The following PPP2R5C variants were observed in gnomAD, a reference collection of about 807,000 sequenced individuals.
The protein encoded by PPP2R5C is protein phosphatase 2 regulatory subunit B'gamma, also known as serine/threonine-protein phosphatase 2A 56 kDa regulatory subunit gamma isoform.
PPP2R5C carries 7 observed loss-of-function variants against 68.9 expected under a neutral mutation model. The ratio of observed to expected loss-of-function variants is 0.10; its 90% CI spans 0.06 to 0.19. PPP2R5C has a LOEUF of 0.19. Ranked by LOEUF, PPP2R5C falls within the 10% of genes least tolerant of loss-of-function variation. PPP2R5C has a pLI of 1.00. For missense variants in PPP2R5C, 348 were observed against 641.3 expected (o/e 0.54, Z 4.94); for synonymous variants, 210 against 222.2 (o/e 0.95, Z 0.49).
chr14:101,875,502 T>C (rs570224250), intron 2 of PPP2R5C, among the ~76,000 whole-genome samples: 1 of 152,324 alleles, frequency 6.6e-6, no homozygotes, highest in East Asian at 1.9e-4. Context: ...TTGCAGTTAA[T>C]AAGGTGACTG....
At position 101,905,120 on chromosome 14, in the gene PPP2R5C, A is replaced by G. The variant is rs2141056067; in HGVS notation, c.1024-1282A>G. On this transcript the variant is annotated intron_variant, in intron 9 of 13. Coordinates refer to ENST00000334743, the Ensembl canonical transcript of PPP2R5C. ...TGTAGTCCCAGCACTTTGGGAGGCC[A>G]AGGCGGGTGGATCACCTGAGGTCAG... Among the ~76,000 whole-genome samples, 2 of 152,308 alleles carry G rather than the reference A, an allele frequency of 1.3e-5. 1 individual carries two copies. Among genetic ancestry groups the G allele is most frequent in the South Asian group, 4.1e-4 (2 of 4,826 alleles).
rs140175574 is a variant in PPP2R5C, at chr14:101,877,198, C to G, written c.295-4963C>G. On this transcript the variant is annotated intron_variant, in intron 2 of 13. Coordinates refer to ENST00000334743, the Ensembl canonical transcript of PPP2R5C. The surrounding 1 kb of genome is among the most constrained non-coding windows in gnomAD (Gnocchi z 4.2). The stretch of plus-strand genomic sequence containing the variant: ...TCTTGACCTCAAGTGATCCACCCGC[C>G]TCGGCCTCCCAAAGTGCTGGGATTA... Among the ~76,000 whole-genome samples the G allele has an allele frequency of 0.039, 5,865 of 152,200 alleles. 171 individuals are homozygous for G. The highest frequency in any genetic ancestry group is 0.056 in the Non-Finnish European group (3,781 of 68,002).
chr14:101,858,175 A>G (rs2042538598), intron 2 of PPP2R5C, among the ~76,000 whole-genome samples: 1 of 152,218 alleles, frequency 6.6e-6, no homozygotes, highest in African/African-American at 2.4e-5. Flanking sequence ...TTACCTGTTC[A>G]GACTAATGAC....
chr14:101,802,916 T>A, intron 3 of PPP2R5C, among the ~76,000 whole-genome samples: 1 of 130,660 alleles, frequency 7.7e-6, no homozygotes. Flanking sequence ...AAAATTACAG[T>A]GAGATACTTC....
chr14:101,908,986 G>A (rs1247708590), intron 10 of PPP2R5C, among the ~76,000 whole-genome samples: 1 of 152,144 alleles, frequency 6.6e-6, no homozygotes, highest in Non-Finnish European at 1.5e-5. Flanking sequence ...GCAGGCTTTC[G>A]CTGGTGTCTG....
chr14:101,924,356 A>T (rs1044599602), intron 13 of PPP2R5C, among the ~76,000 whole-genome samples: 2 of 149,736 alleles, frequency 1.3e-5, no homozygotes, highest in Non-Finnish European at 1.5e-5. Flanking sequence ...GAGAGTATAT[A>T]TTTTTTTCAA....
chr14:101,882,043 G>T lies in PPP2R5C; in HGVS notation c.295-118G>T. On this transcript the variant is annotated intron_variant, in intron 2 of 13. Coordinates refer to ENST00000334743, the Ensembl canonical transcript of PPP2R5C. The surrounding 1 kb of genome is among the most constrained non-coding windows in gnomAD (Gnocchi z 4.9). Reference sequence around the variant, plus strand: ...CACAGCTTCTGCGTTTTGAGGATACGGAGGAGCTAAGTTACCATGGGAAGC... The same window carrying T: ...CACAGCTTCTGCGTTTTGAGGATACTGAGGAGCTAAGTTACCATGGGAAGC... 1.3e-6 allele frequency: 1 copy of T among 762,684 alleles called. No homozygotes were observed. Among genetic ancestry groups the T allele is most frequent in the Non-Finnish European group, 2.0e-6 (1 of 495,856 alleles). 47.2% of individuals were successfully genotyped at this position (762,684 alleles called of 1,614,324 possible).
intron 2 of PPP2R5C, among the ~76,000 whole-genome samples, chr14:101,876,415 G>C: frequency 6.6e-6 from 1 of 150,604 alleles, no homozygotes; most frequent in East Asian, 1.9e-4. Context: ...GACTGTCAGC[G>C]GTTTTTTTTT....
chr14:101,912,274 G>A, intron 11 of PPP2R5C, 127 bp from the exon 14 acceptor site: 2 of 641,752 alleles, frequency 3.1e-6, no homozygotes, highest in Non-Finnish European at 5.0e-6. Flanking sequence ...GTAAGTGTGG[G>A]GAAATGGAGC....
At chr14:101,867,768 A>G (rs1023899970) in intron 2 of PPP2R5C, among the ~76,000 whole-genome samples, 4 of 152,108 alleles carry the variant, frequency 2.6e-5, no homozygotes, top group Non-Finnish European at 5.9e-5. Flanking sequence ...ACAGAGCAAG[A>G]TTCCATCAAA....
At chr14:101,832,150 A>G (rs1005390167) in intron 1 of PPP2R5C, among the ~76,000 whole-genome samples, 1 of 152,204 alleles carries the variant, frequency 6.6e-6, no homozygotes, top group Non-Finnish European at 1.5e-5. Context: ...TCAGGTAATC[A>G]TTGGAGATTT....
intron 6 of PPP2R5C, 96 bp downstream of exon 8, chr14:101,890,392 A>AGTTT: frequency 8.5e-7 from 1 of 1,174,300 alleles, no homozygotes; most frequent in South Asian, 1.4e-5. Context: ...AAAGCAAGGC[A>AGTTT]GTTTAAACCA....
chr14:101,761,624 C>CGG (rs1336409637), upstream of PPP2R5C, among the ~76,000 whole-genome samples: 9 of 5,410 alleles, frequency 1.7e-3, no homozygotes, highest in African/African-American at 2.9e-3. Context: ...GGCGGCCGGC[C>CGG]GGGGGGTGGG....
intron 2 of PPP2R5C, among the ~76,000 whole-genome samples, chr14:101,878,204 C>T (rs1389213855): frequency 6.6e-6 from 1 of 152,214 alleles, no homozygotes; most frequent in Non-Finnish European, 1.5e-5. Flanking sequence ...ACTTCATTCA[C>T]CCTTCATTAT....
intron 5 of PPP2R5C, 122 bp downstream of exon 7, chr14:101,883,684 C>G: frequency 1.5e-6 from 2 of 1,324,906 alleles, no homozygotes; most frequent in Admixed American, 4.3e-5. Context: ...TTCTCAAAGC[C>G]TATTTGTCAT....
chr14:101,842,757 C>CTTTTTTTT (rs60913362), intron 1 of PPP2R5C, among the ~76,000 whole-genome samples: 6 of 137,830 alleles, frequency 4.4e-5, no homozygotes, highest in Admixed American at 7.2e-5. Flanking sequence ...TGTCTTTTTT[C>CTTTTTTTT]TTTTTTTTTT....
chr14:101,804,741 C>CG (rs1007881393), intron 3 of PPP2R5C, among the ~76,000 whole-genome samples: 3 of 150,522 alleles, frequency 2.0e-5, no homozygotes, highest in African/African-American at 7.3e-5. Flanking sequence ...TGGGGGTTGG[C>CG]GGGGGGGATG....
rs1176968566 is a variant in PPP2R5C, at chr14:101,913,555, C to T, written c.1326+1082C>T. Among the ~76,000 whole-genome samples the T allele has an allele frequency of 1.3e-5, 2 of 152,210 alleles. No homozygotes were observed. Among genetic ancestry groups the T allele is most frequent in the Admixed American group, 6.5e-5 (1 of 15,282 alleles). On this transcript the variant is annotated intron_variant, in intron 12 of 13. Transcript: ENST00000334743. The surrounding 1 kb of genome is among the most constrained non-coding windows in gnomAD (Gnocchi z 4.1). ...TTTTTCTAGCAGTTATTTACTCATG[C>T]TGACAGAAATGCTGTTTTAAGATTA...
At chr14:101,773,590 A>AG (rs1280746668) in intron 2 of PPP2R5C, among the ~76,000 whole-genome samples, 1 of 152,192 alleles carries the variant, frequency 6.6e-6, no homozygotes, top group Non-Finnish European at 1.5e-5. Context: ...TAGGCAGAGC[A>AG]GGAGGGATGG....
Sources: allele counts gnomAD v4.1 joint callset (sites outside exome capture counted in the v4.1 genomes callset), GRCh38; gene constraint gnomAD v4.1.1; non-coding constraint Gnocchi (gnomAD v3.1); transcripts MANE v1.5; gene names NCBI Gene and HGNC (gene_info 2026-07-23, HGNC 2026-07-21).